IL6R: variants seen among roughly 807,000 people sequenced by gnomAD.
IL6R encodes the protein interleukin 6 receptor.
A neutral mutation model predicts 48.3 loss-of-function variants in IL6R; 38 were observed. That is an observed-to-expected ratio of 0.79 (90% CI 0.61 to 1.03). The LOEUF (loss-of-function observed/expected upper bound fraction) is 1.03, where lower values mean the gene tolerates loss of function less well. Ranked by LOEUF, IL6R falls within the 50% of genes least tolerant of loss-of-function variation. IL6R has a pLI of 0.00. For synonymous variants in IL6R, 264 were observed against 256.2 expected (o/e 1.03, Z -0.29); for missense variants, 534 against 618.3 (o/e 0.86, Z 1.45).
At position 154,413,034 on chromosome 1, in the gene IL6R, C is replaced by T. The variant is rs539206498; in HGVS notation, c.85+7320C>T. 4.1e-5 allele frequency among the ~76,000 whole-genome samples: 6 copies of T among 145,852 alleles called. No homozygotes were observed. In the East Asian group the frequency reaches 1.2e-3, roughly 30 times the overall value. On this transcript the variant is annotated intron_variant, in intron 1 of 9. Coordinates refer to ENST00000368485, the MANE Select transcript of IL6R (RefSeq NM_000565.4). ...TTTTTTTTTTTGAGACAGAGTCTTG[C>T]TCTGTCGCTCAGACTTGAGTGCAGT... is the stretch of plus-strand genomic sequence containing the variant.
At chr1:154,427,196 G>A (rs1211719355) in intron 1 of IL6R, among the ~76,000 whole-genome samples, 4 of 152,138 alleles carry the variant, frequency 2.6e-5, no homozygotes, top group Admixed American at 2.0e-4. Flanking sequence ...GGGATTACAG[G>A]TGTGAGGCCC....
intron 3 of IL6R, among the ~76,000 whole-genome samples, chr1:154,433,975 C>T (rs868764565): frequency 2.0e-5 from 3 of 151,550 alleles, no homozygotes; most frequent in Admixed American, 1.3e-4. Flanking sequence ...GATCTGCCTG[C>T]GTTGCCCTCC....
chr1:154,418,374 A>C, intron 1 of IL6R: 1 of 983,610 alleles, frequency 1.0e-6, no homozygotes, highest in Non-Finnish European at 1.2e-6. Context: ...CCTCCCTCCC[A>C]GACCCTCTCT....
At chr1:154,447,550 C>CACATACATATAT (rs1284615011) in intron 6 of IL6R, among the ~76,000 whole-genome samples, 601 of 59,718 alleles carry the variant, frequency 0.01, 4 homozygotes, top group Non-Finnish European at 0.016. Context: ...TATATATACA[C>CACATACATATAT]ATACACATAT....
At chr1:154,448,367 G>A (rs1690390862) in intron 7 of IL6R, among the ~76,000 whole-genome samples, 196 bp downstream of exon 7, 1 of 152,220 alleles carries the variant, frequency 6.6e-6, no homozygotes, top group South Asian at 2.1e-4. Flanking sequence ...TGTAAGGAGT[G>A]GAGCAGCGCT....
intron 9 of IL6R, among the ~76,000 whole-genome samples, chr1:154,456,208 T>TC (rs1690878671): frequency 2.1e-5 from 3 of 146,338 alleles, no homozygotes; most frequent in Admixed American, 2.0e-4. Flanking sequence ...AATAGATTCT[T>TC]TTTTTTTTTT....
chr1:154,409,119 C>T (rs1687889407), intron 1 of IL6R, among the ~76,000 whole-genome samples: 1 of 152,192 alleles, frequency 6.6e-6, no homozygotes, highest in African/African-American at 2.4e-5. Flanking sequence ...GTCTGGGCGA[C>T]AGGAGACCCT....
At chr1:154,418,330 C>T (rs1688469945) in intron 1 of IL6R, 1 of 720,102 alleles carries the variant, frequency 1.4e-6, no homozygotes, top group African/African-American at 1.9e-5. Context: ...TCTGAGTCAG[C>T]ATTGAGCATT....
In IL6R at chr1:154,450,022, A is replaced by G. The variant is rs750307810; in HGVS notation, c.1066+42A>G. The G allele has an allele frequency of 2.4e-6, 3 of 1,265,432 alleles. No individual in the cohort carries two copies. The South Asian group carries it at 3.6e-5, about 15-fold the overall frequency. 78.4% of individuals were successfully genotyped at this position (1,265,432 alleles called of 1,614,324 possible). On this transcript the variant is annotated intron_variant, in intron 8 of 9. Transcript: ENST00000368485. ...TTCATATTCCCAGGGTCCGAGGGAC[A>G]GAAGATTTGTCTCTGCAGAAAGTCC... is the stretch of plus-strand genomic sequence containing the variant.
chr1:154,450,534 G>C (rs538377738), intron 8 of IL6R, among the ~76,000 whole-genome samples: 106 of 152,340 alleles, frequency 7.0e-4, no homozygotes, highest in Non-Finnish European at 5.0e-4. Context: ...TTTGAAAAGT[G>C]AGATATTTCA....
chr1:154,453,831 A>G (rs1180438528), intron 8 of IL6R, among the ~76,000 whole-genome samples: 1 of 152,204 alleles, frequency 6.6e-6, no homozygotes, highest in Non-Finnish European at 1.5e-5. Flanking sequence ...AAGGCCAAGT[A>G]GGGACTAGAC....
Position 154,467,021 on chromosome 1 carries a change from C to T in IL6R, c.*1641C>T, listed in dbSNP as rs914517992. The T allele has an allele frequency of 1.8e-4, 28 of 152,464 alleles. No homozygotes were observed. The highest frequency in any genetic ancestry group is 1.6e-3 in the Admixed American group (25 of 15,264). 9.4% of individuals were successfully genotyped at this position (152,464 alleles called of 1,614,324 possible). ...CCCCAGGTGGTTATGGAGAGGGTGT[C>T]CGGTCCCTGTCCCAGTGCCGAGAAG... On this transcript the variant is annotated 3_prime_UTR_variant, in exon 10 of 10. Coordinates refer to ENST00000368485, the MANE Select transcript of IL6R (RefSeq NM_000565.4).
intron 6 of IL6R, among the ~76,000 whole-genome samples, chr1:154,443,916 C>T (rs1295243285): frequency 6.6e-6 from 1 of 152,202 alleles, no homozygotes; most frequent in Non-Finnish European, 1.5e-5. Flanking sequence ...ATCTCCCTGC[C>T]CTGCTTGTCC....
chr1:154,438,845 C>T (rs1212622144), intron 6 of IL6R, among the ~76,000 whole-genome samples: 1 of 152,140 alleles, frequency 6.6e-6, no homozygotes, highest in Admixed American at 6.5e-5. Context: ...TTGGCACTTT[C>T]CTTGTTCATC....
intron 6 of IL6R, among the ~76,000 whole-genome samples, chr1:154,436,703 C>T (rs1387715643): frequency 6.6e-6 from 1 of 152,118 alleles, no homozygotes; most frequent in Non-Finnish European, 1.5e-5. Flanking sequence ...CAGCTGCCAG[C>T]CCAGACTCAG....
intron 9 of IL6R, among the ~76,000 whole-genome samples, chr1:154,461,678 T>G (rs1359511018): frequency 1.3e-5 from 2 of 152,254 alleles, no homozygotes; most frequent in African/African-American, 4.8e-5. Context: ...ATGACTATTC[T>G]TATTCTATTT....
At chr1:154,447,574 T>C (rs906897637) in intron 6 of IL6R, among the ~76,000 whole-genome samples, 2 of 146,334 alleles carry the variant, frequency 1.4e-5, no homozygotes, top group South Asian at 4.2e-4. Flanking sequence ...TATATACACA[T>C]ACATATATAT....
At chr1:154,434,464 C>A in intron 3 of IL6R, 55 bp from the exon 4 acceptor site, 1 of 1,523,982 alleles carries the variant, frequency 6.6e-7, no homozygotes, top group Non-Finnish European at 9.0e-7. Flanking sequence ...TCTGTCCCGT[C>A]TTGAGTCTGT....
At chr1:154,452,704 G>A (rs1690653423) in intron 8 of IL6R, among the ~76,000 whole-genome samples, 1 of 151,964 alleles carries the variant, frequency 6.6e-6, no homozygotes, top group Non-Finnish European at 1.5e-5. Context: ...GGTGGCGGGT[G>A]CCTGTAGTCC....
Sources: gnomAD v4.1 joint callset for allele counts (sites outside exome capture counted in the v4.1 genomes callset) on GRCh38, gnomAD v4.1.1 for gene constraint, MANE v1.5 for transcripts, NCBI Gene and HGNC (gene_info 2026-07-23, HGNC 2026-07-21) for gene names.